GGPS1: variants seen among roughly 807,000 people sequenced by gnomAD.
GGPS1 encodes the protein geranylgeranyl pyrophosphate synthase.
GGPS1 carries 15 observed loss-of-function variants against 28.1 expected under a neutral mutation model. That is an observed-to-expected ratio of 0.53 (90% CI 0.36 to 0.82). The LOEUF (loss-of-function observed/expected upper bound fraction) is 0.82. Among genes scored for constraint, GGPS1 ranks in the 40% least tolerant of loss-of-function variants. GGPS1 has a pLI of 0.01. For synonymous variants in GGPS1, 138 were observed against 122.4 expected (o/e 1.13, Z -0.84); for missense variants, 284 against 348.3 (o/e 0.82, Z 1.47).
intron 1 of GGPS1, chr1:235,330,099 A>G (rs1675658740): frequency 6.6e-6 from 1 of 152,192 alleles, no homozygotes; most frequent in African/African-American, 2.4e-5. Flanking sequence ...CAGCTGTGAT[A>G]AATTGGGAAA....
intron 1 of GGPS1, among the ~76,000 whole-genome samples, chr1:235,333,380 C>T (rs1675775329): frequency 6.6e-6 from 1 of 151,440 alleles, no homozygotes; most frequent in Non-Finnish European, 1.5e-5. Flanking sequence ...CCAGCCTGGC[C>T]AACATAGTGA....
chr1:235,329,639 G>C (rs1440380315), intron 1 of GGPS1: 1 of 152,312 alleles, frequency 6.6e-6, no homozygotes, highest in Non-Finnish European at 1.5e-5. Flanking sequence ...CCAATATGAA[G>C]AACTGAGCCT....
rs185456248 is a variant in GGPS1 at position 235,332,189 on chromosome 1, C to T, written c.-23-3053C>T. Among the ~76,000 whole-genome samples, 11 of 152,282 alleles carry T rather than the reference C, an allele frequency of 7.2e-5. No individual in the cohort carries two copies. In the East Asian group the frequency reaches 2.1e-3, roughly 29 times the overall value. On this transcript the variant is annotated intron_variant, in intron 1 of 3. Transcript: ENST00000282841. ...CCATCACCCATGTAATCACGTTGTA[C>T]CCATTAAGTAATCTTTCATCATCCA...
intron 2 of GGPS1, among the ~76,000 whole-genome samples, chr1:235,341,234 C>G (rs113338789): frequency 1.3e-5 from 2 of 151,648 alleles, no homozygotes; most frequent in Non-Finnish European, 2.9e-5. Flanking sequence ...GGCTGAGGCA[C>G]GAGAATCATG....
chr1:235,329,179 C>T (rs1675595130), intron 1 of GGPS1: 1 of 152,288 alleles, frequency 6.6e-6, no homozygotes, highest in Non-Finnish European at 1.5e-5. Flanking sequence ...ATGCGCTTCA[C>T]ATTTGTATGT....
At chr1:235,336,601 G>A (rs1675871175) in intron 2 of GGPS1, among the ~76,000 whole-genome samples, 1 of 151,920 alleles carries the variant, frequency 6.6e-6, no homozygotes, top group Non-Finnish European at 1.5e-5. Context: ...GACCACCTTG[G>A]GCAACATAAC....
At chr1:235,340,814 G>C (rs1272924658) in intron 2 of GGPS1, among the ~76,000 whole-genome samples, 1 of 149,042 alleles carries the variant, frequency 6.7e-6, no homozygotes, top group East Asian at 2.0e-4. Context: ...AAAATAATGA[G>C]ATTAGCTTTT....
In GGPS1 at chr1:235,342,739, C is replaced by CT; in HGVS notation, c.872dup (p.Leu291PhefsTer3). On this transcript the variant is annotated frameshift_variant, in exon 4 of 4. Transcript: ENST00000282841. LOFTEE classifies it high-confidence loss of function. ...CTGAGCTAGTAGCCTTAGTAAAACA[C>CT]TTAAGTAAGATGTTCAAAGAAGAAA... The CT allele has an allele frequency of 6.3e-7, 1 of 1,592,600 alleles. No homozygotes were observed. Among genetic ancestry groups the CT allele is most frequent in the Non-Finnish European group, 8.5e-7 (1 of 1,171,238 alleles).
At chr1:235,327,639 G>A (rs1389400415), upstream of GGPS1, 3 of 152,368 alleles carry the variant, frequency 2.0e-5, no homozygotes, top group African/African-American at 7.2e-5. Context: ...GGGTTCCCGG[G>A]AGGCCGAGGC....
Position 235,342,100 on chromosome 1 carries a change from A to G in GGPS1, c.231A>G (p.Pro77=), listed in dbSNP as rs745839509. ...EDNSKLRRGF[P]VAHSIYGIPS... is the part of the protein sequence containing the mutation. Reference sequence around the variant, plus strand: ...ACTCAAAACTCCGACGTGGCTTTCCAGTGGCCCACAGCATCTATGGAATCC... The same window carrying G: ...ACTCAAAACTCCGACGTGGCTTTCCGGTGGCCCACAGCATCTATGGAATCC... Residue 77 remains proline (P), a synonymous_variant, in exon 4 of 4, where the codon CCA becomes CCG. Transcript: ENST00000282841. 10 of 1,613,570 alleles carry G rather than the reference A, an allele frequency of 6.2e-6. No individual in the cohort carries two copies. In the Admixed American group the frequency reaches 6.7e-5, roughly 11 times the overall value.
chr1:235,327,573 G>C (rs923172953), upstream of GGPS1: 3 of 152,192 alleles, frequency 2.0e-5, no homozygotes, highest in Non-Finnish European at 2.9e-5. Flanking sequence ...CTAAACCGCT[G>C]AGTGTGCGGC....
intron 2 of GGPS1, among the ~76,000 whole-genome samples, chr1:235,338,795 G>C (rs964233071): frequency 2.0e-5 from 3 of 152,076 alleles, no homozygotes; most frequent in African/African-American, 7.2e-5. Context: ...GAGCCTAGGA[G>C]GTCAAGGCTG....
intron 1 of GGPS1, among the ~76,000 whole-genome samples, chr1:235,333,576 AAAAC>A (rs1675780685): frequency 6.6e-6 from 1 of 151,976 alleles, no homozygotes; most frequent in African/African-American, 2.4e-5. Flanking sequence ...TCAAAAAAAA[AAAAC>A]AAAAGGACCT....
At chr1:235,330,451 C>G (rs923010227) in intron 1 of GGPS1, 6 of 152,164 alleles carry the variant, frequency 3.9e-5, no homozygotes, top group African/African-American at 1.4e-4. Context: ...CGCCACTGCA[C>G]TCCAGCCTGG....
intron 2 of GGPS1, among the ~76,000 whole-genome samples, chr1:235,338,132 G>C (rs1675921538): frequency 6.6e-6 from 1 of 152,112 alleles, no homozygotes. Flanking sequence ...TGTACTCCCA[G>C]CACTTTGGGA....
At chr1:235,329,342 G>C (rs886362984) in intron 1 of GGPS1, 2 of 152,258 alleles carry the variant, frequency 1.3e-5, no homozygotes, top group African/African-American at 4.8e-5. Flanking sequence ...CCGACCACTG[G>C]GGTGGCCTCT....
chr1:235,342,487 A>G lies in GGPS1; in HGVS notation c.618A>G (p.Glu206=). The G allele has an allele frequency of 6.2e-7, 1 of 1,613,726 alleles. No individual in the cohort carries two copies. Among genetic ancestry groups the G allele is most frequent in the Admixed American group, 1.7e-5 (1 of 60,024 alleles). ...KEYSENKSFC[E]DLTEGKFSFP... The stretch of plus-strand genomic sequence containing the variant: ...ATAGTGAAAACAAAAGTTTTTGTGA[A>G]GATCTGACAGAGGGAAAGTTCTCAT... Residue 206 remains glutamate (E), a synonymous_variant, in exon 4 of 4, where the codon GAA becomes GAG. Transcript: ENST00000282841.
chr1:235,341,613 C>A, intron 2 of GGPS1, 95 bp from the exon 3 acceptor site: 1 of 778,862 alleles, frequency 1.3e-6, no homozygotes, highest in South Asian at 1.4e-5. Context: ...CAAGTCTGAT[C>A]AATCTAAAGG....
chr1:235,335,480 T>G (rs1384984681), intron 2 of GGPS1, 146 bp downstream of exon 2: 1 of 505,400 alleles, frequency 2.0e-6, no homozygotes, highest in Non-Finnish European at 3.5e-6. Context: ...AAATAGAACA[T>G]TATAATTTTT....
Sources: gnomAD v4.1 joint callset for allele counts (sites outside exome capture counted in the v4.1 genomes callset) on GRCh38, gnomAD v4.1.1 for gene constraint, MANE v1.5 for transcripts, NCBI Gene and HGNC (gene_info 2026-07-23, HGNC 2026-07-21) for gene names.